The following SF3B1 variants were observed in gnomAD, a reference collection of about 807,000 sequenced individuals.
SF3B1 encodes pre-mRNA processing 10.
Under a neutral mutation model 153.8 loss-of-function variants are expected in SF3B1, and 12 were observed. That is an observed-to-expected ratio of 0.08 (90% CI 0.05 to 0.13). The LOEUF (loss-of-function observed/expected upper bound fraction) is 0.13, where lower values mean the gene tolerates loss of function less well. Ranked by LOEUF, SF3B1 falls within the 10% of genes least tolerant of loss-of-function variation. The pLI is 1.00. For missense variants in SF3B1, 513 were observed against 1,606.1 expected (o/e 0.32, Z 11.63); for synonymous variants, 498 against 525.2 (o/e 0.95, Z 0.71).
chr2:197,417,790 C>T (rs894165847), intron 5 of SF3B1, among the ~76,000 whole-genome samples: 2 of 151,898 alleles, frequency 1.3e-5, no homozygotes, highest in Non-Finnish European at 2.9e-5. Context: ...AGTTATTAGA[C>T]AAAATGGCAT....
At position 197,408,091 on chromosome 2, in the gene SF3B1, C is replaced by T. The variant is rs2105993907; in HGVS notation, c.1146G>A (p.Gln382=). 6.2e-7 allele frequency: 1 copy of T among 1,613,322 alleles called. No individual in the cohort carries two copies. Among genetic ancestry groups the T allele is most frequent in the Non-Finnish European group, 8.5e-7 (1 of 1,179,406 alleles). The change falls in exon 9 of 25, where the codon CAG becomes CAA. Residue 382 remains glutamine (Q), a synonymous_variant. Coordinates refer to ENST00000335508, the MANE Select transcript of SF3B1 (RefSeq NM_012433.4). ...PGHIMSMTPE[Q]LQAWRWEREI... is the part of the protein sequence containing the mutation. ...CTCTTTCCCACCGCCAAGCCTGAAG[C>T]TGTTCAGGAGTCATACTCATTATGT...
chr2:197,400,233 AT>A lies in SF3B1; in HGVS notation c.2901+18del. On this transcript the variant is annotated intron_variant, in intron 19 of 24. Coordinates refer to ENST00000335508, the MANE Select transcript of SF3B1 (RefSeq NM_012433.4). This position sits in a 1 kb window ranked among gnomAD's most constrained non-coding sequence, Gnocchi z 5.0. Reference sequence around the variant, plus strand: ...TAAACTATTTGGGGAAGAAGTAAGAATTTGATGCAAAAGTTTACCTCTTGAC... The same window carrying A: ...TAAACTATTTGGGGAAGAAGTAAGAATTGATGCAAAAGTTTACCTCTTGAC... 1 of 1,612,716 alleles carries A rather than the reference AT, an allele frequency of 6.2e-7. No homozygotes were observed.
chr2:197,429,538 C>G (rs902240045), intron 1 of SF3B1, among the ~76,000 whole-genome samples: 3 of 152,148 alleles, frequency 2.0e-5, no homozygotes, highest in African/African-American at 7.2e-5. Flanking sequence ...AATCCCAGCA[C>G]TTTGGGAGGC....
Position 197,391,937 on chromosome 2 carries a change from C to T in SF3B1, c.*366G>A, listed in dbSNP as rs141294079. The T allele has an allele frequency of 6.3e-5, 12 of 190,778 alleles. No individual in the cohort carries two copies. The highest frequency in any genetic ancestry group is 1.9e-4 in the South Asian group (1 of 5,138). 11.8% of individuals were successfully genotyped at this position (190,778 alleles called of 1,614,324 possible). A position where few individuals can be genotyped will look rare whatever the true frequency, so the allele number is the denominator to read the frequency against. On this transcript the variant is annotated 3_prime_UTR_variant, in exon 25 of 25. Coordinates refer to ENST00000335508, the MANE Select transcript of SF3B1 (RefSeq NM_012433.4). ...ATAAACCAATACTTTATCAAAGTTCCGCATTTTACAAGTCATGTTCAAAAA... is the reference window on the plus strand; with the variant it reads ...ATAAACCAATACTTTATCAAAGTTCTGCATTTTACAAGTCATGTTCAAAAA...
chr2:197,413,552 T>A (rs1381404178), intron 6 of SF3B1, among the ~76,000 whole-genome samples: 1 of 152,240 alleles, frequency 6.6e-6, no homozygotes, highest in Non-Finnish European at 1.5e-5. Flanking sequence ...TATATATCCC[T>A]GTTCTGGGTT....
intron 6 of SF3B1, among the ~76,000 whole-genome samples, chr2:197,414,443 C>G (rs1475630959): frequency 6.6e-6 from 1 of 152,014 alleles, no homozygotes; most frequent in Non-Finnish European, 1.5e-5. Context: ...GAGGATCCAG[C>G]AAACAAGACT....
At chr2:197,416,974 C>T (rs1481793126) in intron 5 of SF3B1, 63 bp from the exon 6 acceptor site, 1 of 1,477,746 alleles carries the variant, frequency 6.8e-7, no homozygotes. Flanking sequence ...ACCATTAGCG[C>T]AATCACTTCC....
rs1266124696 is a variant in SF3B1 at position 197,401,276 on chromosome 2, A to C, written c.2496+124T>G. 9 of 886,916 alleles carry C rather than the reference A, an allele frequency of 1.0e-5. No individual in the cohort carries two copies. The Admixed American group carries it at 1.6e-4, about 16-fold the overall frequency. The allele number at this position is 886,916 out of a possible 1,614,324, so 54.9% of individuals were successfully genotyped here. On this transcript the variant is annotated intron_variant, in intron 17 of 24. Coordinates refer to ENST00000335508, the MANE Select transcript of SF3B1 (RefSeq NM_012433.4). This position sits in a 1 kb window ranked among gnomAD's most constrained non-coding sequence, Gnocchi z 4.2. Reference sequence around the variant, plus strand: ...GGCTGACTAAAATCCATCTCCTTTCATAATCAAGCACATATAAACTGTGAG... The same window carrying C: ...GGCTGACTAAAATCCATCTCCTTTCCTAATCAAGCACATATAAACTGTGAG...
intron 1 of SF3B1, among the ~76,000 whole-genome samples, chr2:197,424,758 A>G (rs989305095): frequency 1.3e-5 from 2 of 152,272 alleles, no homozygotes; most frequent in Non-Finnish European, 2.9e-5. Context: ...ATAGATGTAT[A>G]AAGAAATAGT....
chr2:197,434,820 T>C, intron 1 of SF3B1, 152 bp downstream of exon 1: 1 of 777,106 alleles, frequency 1.3e-6, no homozygotes, highest in Admixed American at 2.5e-5. Context: ...GGCAGTGGCC[T>C]GCGCCGCTGG....
intron 1 of SF3B1, among the ~76,000 whole-genome samples, chr2:197,425,126 T>G (rs2085312929): frequency 6.6e-6 from 1 of 151,754 alleles, no homozygotes; most frequent in African/African-American, 2.4e-5. Flanking sequence ...CCACTGCACT[T>G]TAGCCTGGGC....
chr2:197,398,347 C>T, intron 21 of SF3B1, 114 bp downstream of exon 21: 2 of 1,150,568 alleles, frequency 1.7e-6, no homozygotes, highest in Non-Finnish European at 1.3e-6. Context: ...TACTGGATAG[C>T]CTAATCTTTT....
intron 1 of SF3B1, among the ~76,000 whole-genome samples, chr2:197,428,698 G>C (rs1405360916): frequency 6.6e-6 from 1 of 151,946 alleles, no homozygotes; most frequent in African/African-American, 2.4e-5. Flanking sequence ...GTTCAAAGCC[G>C]GCCTGGCCAA....
Position 197,402,032 on chromosome 2 carries a change from A to C in SF3B1, c.2176T>G (p.Ser726Ala). ...CCCTTCCATAAAGGCTTTAACACAG[A>C]ATCAAAAGATTCGATACCATAAGGA... ...ATPYGIESFD[S>A]VLKPLWKGIR... is the part of the protein sequence containing the mutation. Residue 726 changes from serine (S) to alanine (A), a missense_variant, in exon 15 of 25, where the codon TCT becomes GCT. Physicochemically the swap from Ser to Ala is moderately conservative, Grantham distance 99 (BLOSUM62 1). This residue lies in a region of SF3B1 where 50 missense variants were observed against 236.5 expected (regional missense o/e 0.21). Transcript: ENST00000335508. The surrounding 1 kb of genome is among the most constrained non-coding windows in gnomAD (Gnocchi z 4.6). The C allele has an allele frequency of 6.2e-7, 1 of 1,613,932 alleles. No homozygotes were observed. The highest frequency in any genetic ancestry group is 8.5e-7 in the Non-Finnish European group (1 of 1,179,876).
intron 1 of SF3B1, among the ~76,000 whole-genome samples, chr2:197,430,095 A>G (rs555978379): frequency 6.6e-6 from 1 of 152,354 alleles, no homozygotes; most frequent in East Asian, 1.9e-4. Context: ...TTAAATCACA[A>G]TGTACTGTGA....
At chr2:197,418,661 C>T (rs971280753) in intron 4 of SF3B1, 73 bp from the exon 5 acceptor site, 1 of 1,547,990 alleles carries the variant, frequency 6.5e-7, no homozygotes, top group Non-Finnish European at 8.7e-7. Flanking sequence ...GATTTATCTG[C>T]CCTGCTCTAA....
Position 197,392,190 on chromosome 2 carries a change from C to T in SF3B1, c.*113G>A, listed in dbSNP as rs2084816303. ...TCATGCTACTGGATTTCTAGCTCTT[C>T]CTCTATGACCAGTTCTACACTGATC... On this transcript the variant is annotated 3_prime_UTR_variant, in exon 25 of 25. Coordinates refer to ENST00000335508, the MANE Select transcript of SF3B1 (RefSeq NM_012433.4). 2 of 482,086 alleles carry T rather than the reference C, an allele frequency of 4.1e-6. No homozygotes were observed. The highest frequency in any genetic ancestry group is 7.4e-6 in the Non-Finnish European group (2 of 269,012). 29.9% of individuals were successfully genotyped at this position (482,086 alleles called of 1,614,324 possible).
At chr2:197,416,687 C>A in intron 6 of SF3B1, 54 bp downstream of exon 6, 1 of 1,521,812 alleles carries the variant, frequency 6.6e-7, no homozygotes, top group South Asian at 1.2e-5. Flanking sequence ...CTAATACAGT[C>A]CATAACAGAA....
At chr2:197,393,718 AG>A (rs1251978995) in intron 23 of SF3B1, among the ~76,000 whole-genome samples, 1 of 152,022 alleles carries the variant, frequency 6.6e-6, no homozygotes, top group African/African-American at 2.4e-5. Context: ...CCCAAAGTAC[AG>A]GGATTACAGG....
Sources: gnomAD v4.1 joint callset for allele counts (sites outside exome capture counted in the v4.1 genomes callset) on GRCh38, gnomAD v4.1.1 for gene constraint, gnomAD v4.1.1 regional missense constraint, Gnocchi (gnomAD v3.1) non-coding constraint, MANE v1.5 for transcripts, NCBI Gene and HGNC (gene_info 2026-07-23, HGNC 2026-07-21) for gene names.